RCAN2: variants seen among roughly 807,000 people sequenced by gnomAD.
RCAN2 encodes the protein regulator of calcineurin 2.
In RCAN2, 9 loss-of-function variants were observed where a neutral mutation model predicts 23.6. The observed-to-expected ratio is 0.38, with a 90% confidence interval of 0.23 to 0.67. The LOEUF (loss-of-function observed/expected upper bound fraction) is 0.67, where lower values mean the gene tolerates loss of function less well. Among genes scored for constraint, RCAN2 ranks in the 30% least tolerant of loss-of-function variants. The probability of loss-of-function intolerance (pLI) is 0.51; values close to 1 mark genes in which losing one functional copy is unlikely to be tolerated. For synonymous variants in RCAN2, 109 were observed against 115.7 expected (o/e 0.94, Z 0.37); for missense variants, 273 against 302.3 (o/e 0.90, Z 0.72).
At chr6:46,413,952 A>T (rs1439032389) in intron 2 of RCAN2, among the ~76,000 whole-genome samples, 1 of 152,140 alleles carries the variant, frequency 6.6e-6, no homozygotes, top group Non-Finnish European at 1.5e-5. Flanking sequence ...TTATAGCAAG[A>T]CCACGGCCCC....
At chr6:46,420,942 T>G (rs1766871272) in intron 2 of RCAN2, among the ~76,000 whole-genome samples, 1 of 152,222 alleles carries the variant, frequency 6.6e-6, no homozygotes. Context: ...GAATCAGCAC[T>G]GTGCTAGGCA....
chr6:46,361,218 G>A (rs2150383548), intron 2 of RCAN2, among the ~76,000 whole-genome samples: 1 of 152,286 alleles, frequency 6.6e-6, no homozygotes, highest in Non-Finnish European at 1.5e-5. Context: ...CCTGGGGGAA[G>A]GGTGAGAGAA....
intron 4 of RCAN2, among the ~76,000 whole-genome samples, chr6:46,225,849 A>G (rs1765646798): frequency 6.6e-6 from 1 of 152,334 alleles, no homozygotes; most frequent in Admixed American, 6.5e-5. Flanking sequence ...TTCAGTCATG[A>G]AGTCCTTGCC....
intron 4 of RCAN2, among the ~76,000 whole-genome samples, chr6:46,229,895 C>T (rs1463918388): frequency 6.6e-6 from 1 of 152,186 alleles, no homozygotes; most frequent in Non-Finnish European, 1.5e-5. Flanking sequence ...TGGTTTCTCC[C>T]CATCTTTGTG....
chr6:46,254,150 A>G (rs181868879), intron 2 of RCAN2, among the ~76,000 whole-genome samples: 87 of 152,354 alleles, frequency 5.7e-4, no homozygotes, highest in African/African-American at 2.0e-3. Context: ...ATAAATGTCA[A>G]CACAATTTAA....
chr6:46,419,811 T>C (rs1766823114), intron 2 of RCAN2, among the ~76,000 whole-genome samples: 1 of 152,148 alleles, frequency 6.6e-6, no homozygotes. Flanking sequence ...AGAACATAAA[T>C]AAGTCAAGCA....
At chr6:46,269,994 T>C (rs977723651) in intron 2 of RCAN2, among the ~76,000 whole-genome samples, 1 of 152,176 alleles carries the variant, frequency 6.6e-6, no homozygotes, top group Non-Finnish European at 1.5e-5. Context: ...GCTATTCTCA[T>C]GCAGGGACTC....
In RCAN2 at chr6:46,387,037, C is replaced by T. The variant is rs191705881; in HGVS notation, c.225+69715G>A. ...TATTTAATAAATGGTGCTGAGAAAA[C>T]GGGCTAGCCATATGTAGAAAGTTGA... On this transcript the variant is annotated intron_variant, in intron 2 of 4. Coordinates refer to ENST00000371374, the MANE Select transcript of RCAN2 (RefSeq NM_001251974.2). 9.0e-4 allele frequency among the ~76,000 whole-genome samples: 137 copies of T among 152,220 alleles called. 1 individual carries two copies. Among genetic ancestry groups the T allele is most frequent in the Middle Eastern group, 6.8e-3 (2 of 294 alleles).
rs1177926553 is a variant in RCAN2 at position 46,441,008 on chromosome 6, T to C, written c.225+15744A>G. 3.9e-5 allele frequency among the ~76,000 whole-genome samples: 6 copies of C among 152,336 alleles called. No homozygotes were observed. In the East Asian group the frequency reaches 7.7e-4, roughly 20 times the overall value. Reference sequence around the variant, plus strand: ...GTCTTCCTTCCAAATTCCATAGACATGTGCTCTCTAGGTCTACATATTTTT... The same window carrying C: ...GTCTTCCTTCCAAATTCCATAGACACGTGCTCTCTAGGTCTACATATTTTT... On this transcript the variant is annotated intron_variant, in intron 2 of 4. Coordinates refer to ENST00000371374, the MANE Select transcript of RCAN2 (RefSeq NM_001251974.2).
intron 2 of RCAN2, among the ~76,000 whole-genome samples, chr6:46,253,494 T>G (rs534689596): frequency 6.6e-6 from 1 of 152,212 alleles, no homozygotes; most frequent in Non-Finnish European, 1.5e-5. Context: ...AGTCAAACAT[T>G]GTATTTCTGG....
At chr6:46,262,928 A>C (rs1438418863) in intron 2 of RCAN2, among the ~76,000 whole-genome samples, 2 of 152,266 alleles carry the variant, frequency 1.3e-5, no homozygotes, top group African/African-American at 4.8e-5. Flanking sequence ...TCTCAAATCC[A>C]AGAAATCTGT....
chr6:46,363,897 A>G (rs1342719196), intron 2 of RCAN2, among the ~76,000 whole-genome samples: 1 of 152,230 alleles, frequency 6.6e-6, no homozygotes, highest in Non-Finnish European at 1.5e-5. Flanking sequence ...CAAAGAGCAT[A>G]CATATATATA....
chr6:46,406,316 G>A (rs977415395), intron 2 of RCAN2, among the ~76,000 whole-genome samples: 3 of 152,212 alleles, frequency 2.0e-5, no homozygotes, highest in African/African-American at 7.2e-5. Flanking sequence ...GTGCCAGCAC[G>A]CTGTCACCTC....
intron 2 of RCAN2, among the ~76,000 whole-genome samples, chr6:46,333,440 T>A (rs1764047209): frequency 6.6e-6 from 1 of 152,230 alleles, no homozygotes; most frequent in African/African-American, 2.4e-5. Flanking sequence ...CCCATTTGGA[T>A]TGTTTCCAGC....
At chr6:46,430,730 T>C (rs1419110295) in intron 2 of RCAN2, among the ~76,000 whole-genome samples, 1 of 152,162 alleles carries the variant, frequency 6.6e-6, no homozygotes, top group Non-Finnish European at 1.5e-5. Flanking sequence ...TTATGTACAA[T>C]AGCAAATTGG....
At chr6:46,476,992 C>CA (rs1768731159) in intron 1 of RCAN2, among the ~76,000 whole-genome samples, 1 of 152,032 alleles carries the variant, frequency 6.6e-6, no homozygotes, top group Admixed American at 6.6e-5. Flanking sequence ...ATGAATCCTC[C>CA]AAAAAAACAT....
intron 2 of RCAN2, among the ~76,000 whole-genome samples, chr6:46,406,380 T>C (rs1159003200): frequency 6.6e-6 from 1 of 152,238 alleles, no homozygotes; most frequent in Non-Finnish European, 1.5e-5. Flanking sequence ...TATGACCTAA[T>C]TTTCCCAAAT....
intron 2 of RCAN2, among the ~76,000 whole-genome samples, chr6:46,401,642 T>C (rs1482067918): frequency 3.3e-5 from 5 of 152,056 alleles, no homozygotes; most frequent in Admixed American, 3.3e-4. Context: ...ACTATACGGG[T>C]GGAAGTAGCT....
intron 2 of RCAN2, among the ~76,000 whole-genome samples, chr6:46,304,851 C>A (rs762247210): frequency 3.9e-5 from 6 of 152,096 alleles, no homozygotes; most frequent in Non-Finnish European, 7.4e-5. Flanking sequence ...GTATTTAACA[C>A]CTCACTAAGC....
Sources: gnomAD v4.1 joint callset for allele counts (sites outside exome capture counted in the v4.1 genomes callset) on GRCh38, gnomAD v4.1.1 for gene constraint, MANE v1.5 for transcripts, NCBI Gene and HGNC (gene_info 2026-07-23, HGNC 2026-07-21) for gene names.